The following PIK3R3 variants were observed in gnomAD, a reference collection of about 807,000 sequenced individuals.
PIK3R3 encodes phosphatidylinositol 3-kinase regulatory subunit gamma.
A neutral mutation model predicts 62.9 loss-of-function variants in PIK3R3; 64 were observed. That is an observed-to-expected ratio of 1.02 (90% CI 0.83 to 1.25). The LOEUF (loss-of-function observed/expected upper bound fraction) is 1.25, where lower values mean the gene tolerates loss of function less well. Among genes scored for constraint, PIK3R3 ranks in the 50% most tolerant of loss-of-function variants. The probability of loss-of-function intolerance (pLI) is 0.00; values close to 1 mark genes in which losing one functional copy is unlikely to be tolerated. For missense variants in PIK3R3, 614 were observed against 561.6 expected, an observed-to-expected ratio of 1.09 and a Z score of -0.94; for synonymous variants, 165 against 189.0, an observed-to-expected ratio of 0.87 and a Z score of 1.04.
intron 1 of PIK3R3, among the ~76,000 whole-genome samples, chr1:46,111,368 C>T (rs931426292): frequency 6.6e-6 from 1 of 152,136 alleles, no homozygotes; most frequent in Admixed American, 6.5e-5. Flanking sequence ...TTCTCAGAAA[C>T]CCAAAACATG....
chr1:46,043,724 G>T lies in PIK3R3; in HGVS notation c.1335C>A (p.Asn445Lys), dbSNP rs754105600. 1.2e-6 allele frequency: 2 copies of T among 1,614,238 alleles called. No individual in the cohort carries two copies. The highest frequency in any genetic ancestry group is 1.1e-5 in the South Asian group (1 of 91,090). The change falls in exon 10 of 10, where the codon AAC becomes AAA. Residue 445 changes from asparagine to lysine, a missense_variant. Coordinates refer to ENST00000262741, the MANE Select transcript of PIK3R3 (RefSeq NM_003629.4). The part of the protein sequence containing the change: ...TSLVQHNDSL[N>K]VRLAYPVHAQ... Reference sequence around the variant, plus strand: ...CATGAACAGGGTAGGCAAGCCTGACGTTGAGGGAGTCGTTGTGCTGAACCA... The same window carrying T: ...CATGAACAGGGTAGGCAAGCCTGACTTTGAGGGAGTCGTTGTGCTGAACCA...
chr1:46,063,633 T>A (rs954894827), intron 5 of PIK3R3, among the ~76,000 whole-genome samples: 5 of 152,130 alleles, frequency 3.3e-5, no homozygotes, highest in African/African-American at 1.2e-4. Context: ...ACCTCCCCCA[T>A]CAACAATGCC....
chr1:46,119,052 G>A (rs1402688637), intron 1 of PIK3R3, among the ~76,000 whole-genome samples: 1 of 151,930 alleles, frequency 6.6e-6, no homozygotes, highest in Non-Finnish European at 1.5e-5. Context: ...GCCCTCCCTG[G>A]CCTCCTATTT....
At chr1:46,131,580 AAAT>A in intron 1 of PIK3R3, 3 of 501,836 alleles carry the variant, frequency 6.0e-6, no homozygotes, top group South Asian at 5.1e-5. Context: ...GCAAAGTAAA[AAAT>A]AATGATAATT....
At chr1:46,136,777 A>G (rs1655950097), upstream of PIK3R3, among the ~76,000 whole-genome samples, 2 of 152,202 alleles carry the variant, frequency 1.3e-5, no homozygotes, top group African/African-American at 2.4e-5. Context: ...CTAGCTTGAC[A>G]TCTTCCTCAC....
intron 5 of PIK3R3, among the ~76,000 whole-genome samples, chr1:46,062,539 C>A (rs1269115974): frequency 6.6e-6 from 1 of 151,984 alleles, no homozygotes; most frequent in Non-Finnish European, 1.5e-5. Flanking sequence ...TGTGCCACTG[C>A]ACTCCAGCCT....
chr1:46,059,588 GA>G (rs753000421), intron 6 of PIK3R3, among the ~76,000 whole-genome samples: 5 of 152,090 alleles, frequency 3.3e-5, no homozygotes, highest in Non-Finnish European at 7.4e-5. Flanking sequence ...GCTGAGCGGG[GA>G]GGATTGCTTG....
Position 46,042,183 on chromosome 1 carries a change from G to C in PIK3R3, c.*1490C>G, listed in dbSNP as rs1431571351. 1 of 222,548 alleles carries C rather than the reference G, an allele frequency of 4.5e-6. No individual in the cohort carries two copies. Among genetic ancestry groups the C allele is most frequent in the Non-Finnish European group, 9.0e-6 (1 of 111,378 alleles). The allele number at this position is 222,548 out of a possible 1,614,324, so 13.8% of individuals were successfully genotyped here. A position where few individuals can be genotyped will look rare whatever the true frequency, so the allele number is the denominator to read the frequency against. On this transcript the variant is annotated 3_prime_UTR_variant, in exon 10 of 10. Coordinates refer to ENST00000262741, the MANE Select transcript of PIK3R3 (RefSeq NM_003629.4). This position sits in a 1 kb window ranked among gnomAD's most constrained non-coding sequence, Gnocchi z 4.3. The stretch of plus-strand genomic sequence containing the variant: ...TGACTGATGGGTGTGGGGCATGATG[G>C]GGGCAGGAATAGATGCCTGCCCCCA...
chr1:46,115,397 C>T (rs887666677), intron 1 of PIK3R3, among the ~76,000 whole-genome samples: 1 of 152,146 alleles, frequency 6.6e-6, no homozygotes, highest in Non-Finnish European at 1.5e-5. Flanking sequence ...CTCTTAAACA[C>T]CATAGAAAAT....
chr1:46,101,468 G>A (rs954059384), intron 1 of PIK3R3, among the ~76,000 whole-genome samples: 3 of 152,134 alleles, frequency 2.0e-5, no homozygotes, highest in Non-Finnish European at 4.4e-5. Context: ...CCACGCCACT[G>A]CACTCCAGCC....
At chr1:46,090,176 T>TA (rs1211741019) in intron 1 of PIK3R3, among the ~76,000 whole-genome samples, 3 of 152,186 alleles carry the variant, frequency 2.0e-5, no homozygotes, top group Non-Finnish European at 4.4e-5. Flanking sequence ...TTCCACCACT[T>TA]AAACTAGATT....
chr1:46,102,131 G>A (rs1236764047), intron 1 of PIK3R3, among the ~76,000 whole-genome samples: 3 of 151,688 alleles, frequency 2.0e-5, no homozygotes, highest in African/African-American at 4.8e-5. Context: ...GACTACAGGC[G>A]CCCACCACCT....
At chr1:46,105,071 A>ATACAG in intron 1 of PIK3R3, 1 of 748,858 alleles carries the variant, frequency 1.3e-6, no homozygotes, top group South Asian at 1.4e-5. Context: ...TAGTGGAGCC[A>ATACAG]CTTTCTCTAT....
At chr1:46,098,116 T>C (rs1652322053) in intron 1 of PIK3R3, among the ~76,000 whole-genome samples, 1 of 151,954 alleles carries the variant, frequency 6.6e-6, no homozygotes, top group South Asian at 2.1e-4. Flanking sequence ...AATCCAAAAA[T>C]GAAATGTAAA....
chr1:46,090,722 T>G (rs1170087063), intron 1 of PIK3R3, among the ~76,000 whole-genome samples: 1 of 152,254 alleles, frequency 6.6e-6, no homozygotes, highest in Admixed American at 6.5e-5. Flanking sequence ...AACTCATTGC[T>G]TCATTAATAC....
At chr1:46,124,090 T>C (rs1189524055) in intron 1 of PIK3R3, among the ~76,000 whole-genome samples, 3 of 152,206 alleles carry the variant, frequency 2.0e-5, no homozygotes, top group Non-Finnish European at 4.4e-5. Flanking sequence ...AGGTTTTGAC[T>C]GCAAGAGTAC....
In PIK3R3 at chr1:46,077,614, C is replaced by G; in HGVS notation, c.216-1G>C. 1 of 1,584,308 alleles carries G rather than the reference C, an allele frequency of 6.3e-7. No homozygotes were observed. The highest frequency in any genetic ancestry group is 8.7e-7 in the Non-Finnish European group (1 of 1,153,142). On this transcript the variant is annotated splice_acceptor_variant, in intron 2 of 9. Transcript: ENST00000262741. LOFTEE classifies it high-confidence loss of function. ...CCGCAATTTGTCATTTACCTCCTCCCTGAAGAACAGAATTATAAGAAAAAT... is the reference window on the plus strand; with the variant it reads ...CCGCAATTTGTCATTTACCTCCTCCGTGAAGAACAGAATTATAAGAAAAAT...
chr1:46,048,050 G>A (rs1214707294), intron 7 of PIK3R3: 3 of 152,144 alleles, frequency 2.0e-5, no homozygotes, highest in African/African-American at 7.2e-5. Flanking sequence ...CAAAGTGCTG[G>A]GATTACAGGC....
At chr1:46,049,148 C>T (rs983955618) in intron 7 of PIK3R3, among the ~76,000 whole-genome samples, 4 of 149,914 alleles carry the variant, frequency 2.7e-5, no homozygotes, top group Non-Finnish European at 5.9e-5. Flanking sequence ...CTCTCTTTGG[C>T]CCAGCAATCT....
Sources: allele counts gnomAD v4.1 joint callset (sites outside exome capture counted in the v4.1 genomes callset), GRCh38; gene constraint gnomAD v4.1.1; non-coding constraint Gnocchi (gnomAD v3.1); transcripts MANE v1.5; gene names NCBI Gene and HGNC (gene_info 2026-07-23, HGNC 2026-07-21).